Variants in EPM2A observed in about 807,000 individuals in gnomAD.
EPM2A encodes EPM2A glucan phosphatase, laforin, also known as laforin.
A neutral mutation model predicts 26.5 loss-of-function variants in EPM2A; 21 were observed. The observed-to-expected ratio is 0.79, with a 90% CI of 0.56 to 1.14. The LOEUF (loss-of-function observed/expected upper bound fraction) is 1.14. EPM2A is among the 50% of genes most tolerant of loss of function. The pLI, the probability that EPM2A is intolerant of heterozygous loss-of-function variation, is 0.00. For synonymous variants in EPM2A, 217 were observed against 177.6 expected (o/e 1.22, Z -1.76); for missense variants, 458 against 440.8 (o/e 1.04, Z -0.35).
intron 2 of EPM2A, among the ~76,000 whole-genome samples, chr6:145,512,033 T>G (rs1780061299): frequency 6.6e-6 from 1 of 151,914 alleles, no homozygotes; most frequent in South Asian, 2.1e-4. Context: ...AAGCGTTAAG[T>G]ACAAAGGAAT....
chr6:145,550,852 C>T (rs142846537), intron 2 of EPM2A, among the ~76,000 whole-genome samples: 56 of 151,994 alleles, frequency 3.7e-4, no homozygotes, highest in Middle Eastern at 3.4e-3. Context: ...AATATGTGTC[C>T]TTCCTTCCAG....
At chr6:145,705,447 T>C in intron 1 of EPM2A, 1 of 400,534 alleles carries the variant, frequency 2.5e-6, no homozygotes, top group Admixed American at 3.0e-5. Context: ...CTCAGCTACT[T>C]GGGAGGCTGA....
intron 2 of EPM2A, among the ~76,000 whole-genome samples, chr6:145,653,244 TC>T (rs1170665561): frequency 6.6e-6 from 1 of 152,184 alleles, no homozygotes; most frequent in Non-Finnish European, 1.5e-5. Context: ...GGGGCGGGTT[TC>T]CCCCATGCTG....
At chr6:145,611,557 A>G (rs140048739) in intron 2 of EPM2A, among the ~76,000 whole-genome samples, 1 of 152,212 alleles carries the variant, frequency 6.6e-6, no homozygotes, top group East Asian at 1.9e-4. Flanking sequence ...AAAGTGATAT[A>G]CTATAAATAG....
intron 2 of EPM2A, among the ~76,000 whole-genome samples, chr6:145,573,261 G>GAGGT (rs1780984259): frequency 6.6e-6 from 1 of 152,188 alleles, no homozygotes; most frequent in East Asian, 1.9e-4. Flanking sequence ...ATATACCCCT[G>GAGGT]AGGTAGGACA....
chr6:145,538,702 T>A (rs2114791888), intron 2 of EPM2A, among the ~76,000 whole-genome samples: 1 of 152,368 alleles, frequency 6.6e-6, no homozygotes, highest in South Asian at 2.1e-4. Flanking sequence ...TCATCTGGGA[T>A]AAATAAAATT....
At chr6:145,645,831 C>T (rs1237090685) in intron 2 of EPM2A, among the ~76,000 whole-genome samples, 10 of 152,078 alleles carry the variant, frequency 6.6e-5, no homozygotes, top group African/African-American at 2.4e-4. Context: ...TGAGCTCAAG[C>T]GATCCACCCG....
At chr6:145,687,137 C>G (rs977691033) in intron 1 of EPM2A, among the ~76,000 whole-genome samples, 1 of 152,080 alleles carries the variant, frequency 6.6e-6, no homozygotes, top group Non-Finnish European at 1.5e-5. Context: ...TCCTAACACC[C>G]AAGGTGTTGG....
chr6:145,490,171 TACTAGACGC>T, intron 4 of EPM2A: 1 of 1,029,466 alleles, frequency 9.7e-7, no homozygotes, highest in South Asian at 1.6e-5. Context: ...CTTCTTCCAT[TACTAGACGC>T]TCTGAAATAG....
chr6:145,478,266 A>T (rs971458321), intron 4 of EPM2A, among the ~76,000 whole-genome samples: 2 of 151,912 alleles, frequency 1.3e-5, no homozygotes, highest in African/African-American at 2.4e-5. Flanking sequence ...CTGATGAAGG[A>T]AGTTGAAGAG....
chr6:145,606,038 T>G (rs1471955950), intron 2 of EPM2A, among the ~76,000 whole-genome samples: 1 of 152,128 alleles, frequency 6.6e-6, no homozygotes, highest in African/African-American at 2.4e-5. Flanking sequence ...GGAAATTTAT[T>G]TACACCAATT....
intron 4 of EPM2A, among the ~76,000 whole-genome samples, chr6:145,474,060 G>A (rs572837994): frequency 3.9e-5 from 6 of 152,268 alleles, no homozygotes; most frequent in South Asian, 2.1e-4. Context: ...ACTCTTATCC[G>A]AAGTAGAAAG....
At chr6:145,537,681 C>A (rs922383461) in intron 2 of EPM2A, among the ~76,000 whole-genome samples, 1 of 151,424 alleles carries the variant, frequency 6.6e-6, no homozygotes, top group African/African-American at 2.4e-5. Context: ...TTTTGCTGCA[C>A]CTATCAACCT....
At chr6:145,699,428 G>C (rs577932086) in intron 1 of EPM2A, among the ~76,000 whole-genome samples, 2 of 152,228 alleles carry the variant, frequency 1.3e-5, no homozygotes, top group South Asian at 2.1e-4. Context: ...ATTATGATAG[G>C]TTTGTGGTGT....
intron 2 of EPM2A, chr6:145,670,348 T>A (rs1422485428): frequency 6.6e-6 from 1 of 152,164 alleles, no homozygotes; most frequent in African/African-American, 2.4e-5. Context: ...ATCATTATCT[T>A]TCTTACCACC....
intron 1 of EPM2A, among the ~76,000 whole-genome samples, chr6:145,731,221 CA>C (rs767852917): frequency 1.3e-5 from 2 of 152,182 alleles, no homozygotes; most frequent in Non-Finnish European, 2.9e-5. Context: ...TTATCCTTAA[CA>C]AAATCTGCCA....
At chr6:145,443,640 T>C (rs1287279353) in intron 4 of EPM2A, among the ~76,000 whole-genome samples, 2 of 152,156 alleles carry the variant, frequency 1.3e-5, no homozygotes, top group East Asian at 1.9e-4. Flanking sequence ...GCCGAGACTA[T>C]GGGGTTTTTT....
intron 2 of EPM2A, among the ~76,000 whole-genome samples, chr6:145,645,656 A>G (rs1397142251): frequency 6.6e-6 from 1 of 151,884 alleles, no homozygotes; most frequent in Non-Finnish European, 1.5e-5. Flanking sequence ...GCTGGAATGC[A>G]GTGGTGTGAT....
chr6:145,604,916 G>A lies in EPM2A; in HGVS notation c.340+30329C>T, dbSNP rs572416172. ...TCCCTTTTCAAACAATTGTGAGAGT[G>A]AAAAATATAAGGTATGTGGATGGTT... On this transcript the variant is annotated intron_variant, in intron 2 of 3. Coordinates refer to the EPM2A transcript ENST00000450221. Among the ~76,000 whole-genome samples the A allele has an allele frequency of 2.6e-5, 4 of 152,156 alleles. No homozygotes were observed. In the South Asian group the frequency reaches 6.2e-4, roughly 24 times the overall value.
Sources: allele counts gnomAD v4.1 joint callset (sites outside exome capture counted in the v4.1 genomes callset), GRCh38; gene constraint gnomAD v4.1.1; transcripts MANE v1.5; gene names NCBI Gene and HGNC (gene_info 2026-07-23, HGNC 2026-07-21).